Variants in FAM219A observed in about 807,000 individuals in gnomAD.
FAM219A encodes the protein family with sequence similarity 219 member A.
Under a neutral mutation model 23.4 loss-of-function variants are expected in FAM219A, and 7 were observed. The ratio of observed to expected loss-of-function variants is 0.30; its 90% CI spans 0.17 to 0.56. The LOEUF (loss-of-function observed/expected upper bound fraction) is 0.56. Among genes scored for constraint, FAM219A ranks in the 20% least tolerant of loss-of-function variants. The pLI is 0.92. For missense variants in FAM219A, 166 were observed against 246.9 expected (o/e 0.67, Z 2.20); for synonymous variants, 93 against 99.0 (o/e 0.94, Z 0.36).
At chr9:34,403,770 T>C (rs1821535050) in intron 2 of FAM219A, among the ~76,000 whole-genome samples, 1 of 152,184 alleles carries the variant, frequency 6.6e-6, no homozygotes, top group South Asian at 2.1e-4. Flanking sequence ...GGAAAATGAC[T>C]CATAAAATAG....
In FAM219A at chr9:34,400,813, C is replaced by T; in HGVS notation, c.*151G>A. On this transcript the variant is annotated 3_prime_UTR_variant, in exon 6 of 6. Coordinates refer to ENST00000651358, the MANE Select transcript of FAM219A (RefSeq NM_001184940.2). ...TGAACACACAGAGGTACACGTCCTA[C>T]CATAGGAGGAAGCAATGACTGTTAT... 1.3e-6 allele frequency: 1 copy of T among 768,012 alleles called. No homozygotes were observed. The highest frequency in any genetic ancestry group is 2.0e-6 in the Non-Finnish European group (1 of 512,412). 47.6% of individuals were successfully genotyped at this position (768,012 alleles called of 1,614,324 possible).
At chr9:34,413,086 G>A (rs1330297940) in intron 1 of FAM219A, among the ~76,000 whole-genome samples, 1 of 152,036 alleles carries the variant, frequency 6.6e-6, no homozygotes, top group Non-Finnish European at 1.5e-5. Flanking sequence ...CATGGTCTTT[G>A]AGGAATCATG....
intron 1 of FAM219A, among the ~76,000 whole-genome samples, chr9:34,416,830 T>A (rs78702442): frequency 3.4e-5 from 5 of 148,700 alleles, no homozygotes; most frequent in South Asian, 2.2e-4. Context: ...TTTTTTTTTT[T>A]AAATAGAGGC....
chr9:34,406,956 C>G (rs549389637), intron 1 of FAM219A, among the ~76,000 whole-genome samples: 33 of 152,224 alleles, frequency 2.2e-4, no homozygotes, highest in African/African-American at 7.9e-4. Context: ...GTACACGCCA[C>G]CAGGCCCAGC....
chr9:34,416,251 GAAAGA>G (rs1564003347), intron 1 of FAM219A, among the ~76,000 whole-genome samples: 4 of 126,888 alleles, frequency 3.2e-5, no homozygotes, highest in African/African-American at 6.0e-5. Flanking sequence ...AAGAAAGAAA[GAAAGA>G]AAGGGGGAGG....
At chr9:34,416,815 T>TG (rs1160265105) in intron 1 of FAM219A, among the ~76,000 whole-genome samples, 4 of 147,662 alleles carry the variant, frequency 2.7e-5, no homozygotes, top group Non-Finnish European at 4.6e-5. Context: ...TCCATTTTTT[T>TG]TTTTTTTTTT....
intron 1 of FAM219A, among the ~76,000 whole-genome samples, chr9:34,412,487 C>T (rs1271446014): frequency 6.6e-6 from 1 of 151,992 alleles, no homozygotes; most frequent in Admixed American, 6.5e-5. Flanking sequence ...CTTTTGGACA[C>T]CCAGATGATA....
intron 1 of FAM219A, among the ~76,000 whole-genome samples, chr9:34,426,587 G>C (rs1822487096): frequency 6.6e-6 from 1 of 152,200 alleles, no homozygotes; most frequent in Non-Finnish European, 1.5e-5. Flanking sequence ...CGTTTCACTG[G>C]ACGTAGTAAT....
chr9:34,400,935 C>T lies in FAM219A; in HGVS notation c.*29G>A, dbSNP rs776821716. 21 of 1,507,008 alleles carry T rather than the reference C, an allele frequency of 1.4e-5. No individual in the cohort carries two copies. The highest frequency in any genetic ancestry group is 5.6e-5 in the African/African-American group (4 of 70,968). 93.4% of individuals were successfully genotyped at this position (1,507,008 alleles called of 1,614,324 possible). A position where few individuals can be genotyped will look rare whatever the true frequency, so the allele number is the denominator to read the frequency against. On this transcript the variant is annotated 3_prime_UTR_variant, in exon 6 of 6. Coordinates refer to ENST00000651358, the MANE Select transcript of FAM219A (RefSeq NM_001184940.2). The stretch of plus-strand genomic sequence containing the variant: ...CGTCCTACCCGGCCCTTGGCGGCCC[C>T]GCCCCGGCGACCGCAGTGGCCCCGC...
At chr9:34,452,539 TC>T (rs1335654931) in intron 1 of FAM219A, among the ~76,000 whole-genome samples, 2 of 152,210 alleles carry the variant, frequency 1.3e-5, no homozygotes, top group Admixed American at 1.3e-4. Context: ...CCATCGTGTT[TC>T]TCTGCTTCTG....
chr9:34,421,682 C>T (rs1442675828), intron 1 of FAM219A, among the ~76,000 whole-genome samples: 1 of 151,878 alleles, frequency 6.6e-6, no homozygotes, highest in Non-Finnish European at 1.5e-5. Context: ...TCTCTGAGTA[C>T]ACCCCCCTGC....
chr9:34,411,409 G>A (rs1222460814), intron 1 of FAM219A, among the ~76,000 whole-genome samples: 1 of 151,740 alleles, frequency 6.6e-6, no homozygotes, highest in African/African-American at 2.4e-5. Context: ...AAAAAAAAGG[G>A]CTGGGCACGG....
At chr9:34,413,561 A>T (rs1821900146) in intron 1 of FAM219A, among the ~76,000 whole-genome samples, 1 of 152,242 alleles carries the variant, frequency 6.6e-6, no homozygotes, top group Non-Finnish European at 1.5e-5. Flanking sequence ...TCTTAGGAAG[A>T]TGAAAATGGA....
chr9:34,420,992 ATG>A lies in FAM219A; in HGVS notation c.61-15030_61-15029del, dbSNP rs1212346431. ...GAAACTCGTGTGTGTGTGTGTGTGT[ATG>A]TGTGTGTGTGTGTGTGAGAGAGAGA... On this transcript the variant is annotated intron_variant, in intron 1 of 5. Coordinates refer to ENST00000651358, the MANE Select transcript of FAM219A (RefSeq NM_001184940.2). Among the ~76,000 whole-genome samples the A allele has an allele frequency of 8.9e-3, 958 of 107,290 alleles. 34 individuals are homozygous for A. The highest frequency in any genetic ancestry group is 0.054 in the Middle Eastern group (8 of 148). The allele number at this position is 107,290 out of a possible 152,430, so 70.4% of individuals were successfully genotyped here. A position where few individuals can be genotyped will look rare whatever the true frequency, so the allele number is the denominator to read the frequency against.
chr9:34,441,210 C>T (rs1458660405), intron 1 of FAM219A, among the ~76,000 whole-genome samples: 1 of 152,162 alleles, frequency 6.6e-6, no homozygotes, highest in Non-Finnish European at 1.5e-5. Flanking sequence ...CAAGTAAGAC[C>T]CTCCTCAGCA....
At chr9:34,419,305 G>A (rs2131959561) in intron 1 of FAM219A, among the ~76,000 whole-genome samples, 1 of 152,126 alleles carries the variant, frequency 6.6e-6, no homozygotes, top group African/African-American at 2.4e-5. Flanking sequence ...CATAGGAGAG[G>A]GAAAATTATT....
chr9:34,439,472 G>C (rs560997362), intron 1 of FAM219A, among the ~76,000 whole-genome samples: 1 of 152,216 alleles, frequency 6.6e-6, no homozygotes, highest in Non-Finnish European at 1.5e-5. Flanking sequence ...TCCTTCAAAA[G>C]GACCCACGTT....
At chr9:34,445,397 G>A (rs1368574724) in intron 1 of FAM219A, among the ~76,000 whole-genome samples, 1 of 152,186 alleles carries the variant, frequency 6.6e-6, no homozygotes, top group African/African-American at 2.4e-5. Context: ...GGTTATAGAG[G>A]CTTAGGGATT....
At chr9:34,433,938 C>G (rs1013589757) in intron 1 of FAM219A, among the ~76,000 whole-genome samples, 10 of 152,172 alleles carry the variant, frequency 6.6e-5, no homozygotes, top group African/African-American at 1.9e-4. Flanking sequence ...CGCGGTGGCT[C>G]ATGCCTGTAA....
Sources: allele counts gnomAD v4.1 joint callset (sites outside exome capture counted in the v4.1 genomes callset), GRCh38; gene constraint gnomAD v4.1.1; transcripts MANE v1.5; gene names NCBI Gene and HGNC (gene_info 2026-07-23, HGNC 2026-07-21).